Variants in ANK2 observed in about 807,000 individuals in gnomAD.
ANK2 encodes ankyrin-2.
Under a neutral mutation model 360.5 loss-of-function variants are expected in ANK2, and 83 were observed. The observed-to-expected ratio is 0.23, with a 90% CI of 0.19 to 0.28. The LOEUF is 0.28. Ranked by LOEUF, ANK2 falls within the 10% of genes least tolerant of loss-of-function variation. The pLI, the probability that ANK2 is intolerant of heterozygous loss-of-function variation, is 1.00. For missense variants in ANK2, 4,201 were observed against 4,795.7 expected, an observed-to-expected ratio of 0.88 and a Z score of 3.66; for synonymous variants, 1,740 against 1,759.5, an observed-to-expected ratio of 0.99 and a Z score of 0.28.
At chr4:112,904,347 A>G (rs2084486486) in intron 1 of ANK2, 1 of 571,768 alleles carries the variant, frequency 1.7e-6, no homozygotes, top group Non-Finnish European at 2.9e-6. Context: ...GAAGAACTCC[A>G]TCAGTGCCTC....
the ANK2 span, among the ~76,000 whole-genome samples, chr4:112,716,034 T>C: frequency 2.0e-5 from 3 of 152,194 alleles, no homozygotes; most frequent in Non-Finnish European, 4.4e-5. Flanking sequence ...ATATGATAAA[T>C]GCACAATAAA....
In ANK2 at chr4:113,176,194, T is replaced by C. The variant is rs150130435; in HGVS notation, c.186+1677T>C. ...GGAAGAAAGGGATAGGGAACTGGTA[T>C]AAGCAGCAGGCTGACACTTGGCTAC... On this transcript the variant is annotated intron_variant, in intron 2 of 45. Coordinates refer to ENST00000357077, the MANE Select transcript of ANK2 (RefSeq NM_001148.6). 3.0e-3 allele frequency among the ~76,000 whole-genome samples: 454 copies of C among 152,322 alleles called. 4 individuals carry two copies. The highest frequency in any genetic ancestry group is 0.01 in the African/African-American group (431 of 41,570).
intron 1 of ANK2, among the ~76,000 whole-genome samples, chr4:113,131,818 A>C (rs1455574384): frequency 6.6e-6 from 1 of 152,236 alleles, no homozygotes; most frequent in East Asian, 1.9e-4. Flanking sequence ...ACATATCCTA[A>C]AGAAGCAGTT....
Position 113,228,307 on chromosome 4 carries a change from C to A in ANK2, c.385-3854C>A, listed in dbSNP as rs139843994. On this transcript the variant is annotated intron_variant, in intron 4 of 45. Transcript: ENST00000357077. ...ATCACCCGGGCAGTATACACTGTGCCCAATTTGTAGTCTTTATCACTCAGC... is the reference window on the plus strand; with the variant it reads ...ATCACCCGGGCAGTATACACTGTGCACAATTTGTAGTCTTTATCACTCAGC... Among the ~76,000 whole-genome samples the A allele has an allele frequency of 6.0e-3, 920 of 152,172 alleles. 7 individuals carry two copies. Among genetic ancestry groups the A allele is most frequent in the African/African-American group, 0.021 (873 of 41,514 alleles).
intron 1 of ANK2, among the ~76,000 whole-genome samples, chr4:112,873,254 T>C (rs572555691): frequency 6.6e-6 from 1 of 151,992 alleles, no homozygotes; most frequent in South Asian, 2.1e-4. Flanking sequence ...CTGCTTGCTT[T>C]GGGCTTAGGT....
At chr4:112,803,476 A>C in the ANK2 span, among the ~76,000 whole-genome samples, 1 of 152,170 alleles carries the variant, frequency 6.6e-6, no homozygotes, top group East Asian at 1.9e-4. Context: ...TGAAGACTGG[A>C]GTAATGGATG....
intron 26 of ANK2, among the ~76,000 whole-genome samples, chr4:113,320,929 C>T (rs1439921201): frequency 6.6e-6 from 1 of 152,156 alleles, no homozygotes; most frequent in Non-Finnish European, 1.5e-5. Flanking sequence ...AAGTACCTGA[C>T]ATTGTGCCAG....
chr4:112,851,944 C>T (rs1300680155), intron 1 of ANK2, among the ~76,000 whole-genome samples: 1 of 152,164 alleles, frequency 6.6e-6, no homozygotes, highest in Non-Finnish European at 1.5e-5. Flanking sequence ...CTTTAAAATA[C>T]TTCTTTTACT....
rs2058469188 is a variant in ANK2 at position 112,826,655 on chromosome 4, A to G, written c.-40+8391A>G. On this transcript the variant is annotated intron_variant, in intron 1 of 30. Coordinates refer to the ANK2 transcript ENST00000503271. ...GAGGCAGTGAAAAACGGGTGACCAC[A>G]CTTACACATTCCTCAGCATTGACCA... 6.9e-6 allele frequency: 7 copies of G among 1,011,154 alleles called. No individual in the cohort carries two copies. In the Admixed American group the frequency reaches 1.4e-4, roughly 20 times the overall value. 62.6% of individuals were successfully genotyped at this position (1,011,154 alleles called of 1,614,324 possible).
chr4:113,271,479 GACACACAC>G, intron 14 of ANK2, among the ~76,000 whole-genome samples: 1 of 150,426 alleles, frequency 6.6e-6, no homozygotes, highest in Admixed American at 6.6e-5. Flanking sequence ...TGCACGCACA[GACACACAC>G]ACACACACAC....
At chr4:113,062,485 C>G (rs2073957899) in intron 1 of ANK2, among the ~76,000 whole-genome samples, 1 of 151,994 alleles carries the variant, frequency 6.6e-6, no homozygotes, top group African/African-American at 2.4e-5. Context: ...TTGTATATTT[C>G]TGTATGACTA....
chr4:112,772,668 T>C, the ANK2 span, among the ~76,000 whole-genome samples: 1 of 152,144 alleles, frequency 6.6e-6, no homozygotes, highest in South Asian at 2.1e-4. Flanking sequence ...AGTATAGCAT[T>C]ACCTAGGAGA....
chr4:113,040,219 C>T (rs1215968680), intron 2 of ANK2, among the ~76,000 whole-genome samples: 1 of 151,924 alleles, frequency 6.6e-6, no homozygotes, highest in East Asian at 1.9e-4. Flanking sequence ...GGTGAGCTCA[C>T]CCACATTTTG....
intron 22 of ANK2, among the ~76,000 whole-genome samples, chr4:113,298,802 A>G (rs1418352345): frequency 6.6e-6 from 1 of 152,178 alleles, no homozygotes; most frequent in African/African-American, 2.4e-5. Flanking sequence ...CTTGTTCTCT[A>G]TGTACGATTC....
At chr4:113,058,629 G>T (rs1173623313) in intron 1 of ANK2, among the ~76,000 whole-genome samples, 1 of 152,050 alleles carries the variant, frequency 6.6e-6, no homozygotes, top group Non-Finnish European at 1.5e-5. Context: ...GAATTCAGAG[G>T]GTATGGTGGC....
intron 10 of ANK2, among the ~76,000 whole-genome samples, chr4:113,250,298 A>C (rs2045442400): frequency 6.6e-6 from 1 of 152,200 alleles, no homozygotes; most frequent in African/African-American, 2.4e-5. Flanking sequence ...AATACTAATA[A>C]AAAGTAATTA....
chr4:113,062,175 C>A (rs1274659158), intron 1 of ANK2, among the ~76,000 whole-genome samples: 2 of 152,048 alleles, frequency 1.3e-5, no homozygotes, highest in Non-Finnish European at 2.9e-5. Context: ...AATTTCCAAA[C>A]ATTCAAACAG....
chr4:113,233,157 C>T (rs1459103979), intron 5 of ANK2, among the ~76,000 whole-genome samples: 1 of 93,456 alleles, frequency 1.1e-5, no homozygotes, highest in Non-Finnish European at 2.1e-5. Flanking sequence ...TTTTTTGAGA[C>T]GGAGTCTCGC....
chr4:112,937,400 C>T (rs1258206987), intron 2 of ANK2, among the ~76,000 whole-genome samples: 1 of 150,908 alleles, frequency 6.6e-6, no homozygotes, highest in Non-Finnish European at 1.5e-5. Flanking sequence ...GATCTTGGCT[C>T]ACTGCAACCC....
Sources: gnomAD v4.1 joint callset for allele counts (sites outside exome capture counted in the v4.1 genomes callset) on GRCh38, gnomAD v4.1.1 for gene constraint, MANE v1.5 for transcripts, NCBI Gene and HGNC (gene_info 2026-07-23, HGNC 2026-07-21) for gene names.